The following PRKCA variants were observed in gnomAD, a reference collection of about 807,000 sequenced individuals.
PRKCA encodes protein kinase C alpha type.
A neutral mutation model predicts 87.0 loss-of-function variants in PRKCA; 27 were observed. The observed-to-expected ratio is 0.31, with a 90% CI of 0.23 to 0.43. PRKCA has a LOEUF of 0.43. Among genes scored for constraint, PRKCA ranks in the 20% least tolerant of loss-of-function variants. The pLI, the probability that PRKCA is intolerant of heterozygous loss-of-function variation, is 1.00. For synonymous variants in PRKCA, 329 were observed against 311.1 expected, an observed-to-expected ratio of 1.06 and a Z score of -0.61; for missense variants, 518 against 852.3, an observed-to-expected ratio of 0.61 and a Z score of 4.88.
chr17:66,582,389 C>A (rs1381190697), intron 3 of PRKCA, among the ~76,000 whole-genome samples: 1 of 152,046 alleles, frequency 6.6e-6, no homozygotes, highest in Non-Finnish European at 1.5e-5. Context: ...TGTAATAATC[C>A]CCATGTGTCA....
chr17:66,375,320 T>C (rs1909361169), intron 2 of PRKCA, among the ~76,000 whole-genome samples: 1 of 152,212 alleles, frequency 6.6e-6, no homozygotes, highest in African/African-American at 2.4e-5. Context: ...AACCCTGGTC[T>C]CAGAAGACTT....
chr17:66,692,386 G>T (rs1042703074), intron 8 of PRKCA, among the ~76,000 whole-genome samples: 8 of 152,210 alleles, frequency 5.3e-5, no homozygotes, highest in Non-Finnish European at 1.0e-4. Context: ...TACGACAGCT[G>T]CCATGCTTCA....
chr17:66,667,225 G>A (rs1972066571), intron 5 of PRKCA, among the ~76,000 whole-genome samples: 2 of 152,176 alleles, frequency 1.3e-5, no homozygotes, highest in Non-Finnish European at 2.9e-5. Context: ...TGGCCACCAG[G>A]ATGATGTCAA....
At chr17:66,328,136 C>T (rs964339730) in intron 2 of PRKCA, among the ~76,000 whole-genome samples, 13 of 152,284 alleles carry the variant, frequency 8.5e-5, no homozygotes, top group Admixed American at 8.5e-4. Context: ...TCTCAATCTC[C>T]TGGGCTCGGT....
intron 2 of PRKCA, among the ~76,000 whole-genome samples, chr17:66,437,638 AT>A (rs762509382): frequency 1.3e-5 from 2 of 151,586 alleles, no homozygotes; most frequent in Non-Finnish European, 2.9e-5. Flanking sequence ...AGCAGACACA[AT>A]TTAGGAACAG....
intron 8 of PRKCA, among the ~76,000 whole-genome samples, chr17:66,698,100 TTC>T (rs1972970273): frequency 6.6e-6 from 1 of 152,158 alleles, no homozygotes; most frequent in Non-Finnish European, 1.5e-5. Flanking sequence ...GTGAAGGCAT[TTC>T]TCTCCTGATG....
intron 8 of PRKCA, among the ~76,000 whole-genome samples, chr17:66,706,770 C>A (rs1973203978): frequency 6.6e-6 from 1 of 152,114 alleles, no homozygotes; most frequent in Non-Finnish European, 1.5e-5. Context: ...CAACTACATT[C>A]ATTCATTCGT....
intron 8 of PRKCA, among the ~76,000 whole-genome samples, chr17:66,719,167 T>C (rs1027869954): frequency 1.3e-5 from 2 of 152,196 alleles, no homozygotes; most frequent in Non-Finnish European, 2.9e-5. Context: ...CTGCATGTCA[T>C]TGAAAACAGA....
At chr17:66,469,899 T>C (rs1465260994) in intron 2 of PRKCA, among the ~76,000 whole-genome samples, 1 of 152,162 alleles carries the variant, frequency 6.6e-6, no homozygotes, top group Non-Finnish European at 1.5e-5. Context: ...TAGGATCCAG[T>C]GAGTATCCAC....
Position 66,306,133 on chromosome 17 carries a change from C to A in PRKCA, c.205+6C>A. On this transcript the variant is annotated splice_donor_region_variant and intron_variant, in intron 2 of 16. Transcript: ENST00000413366. ...ACAAGGCTTCCAGTGCCAAGGTAAG[C>A]TACCACTTTTGGTTTTATTTTCAAG... 7 of 1,611,132 alleles carry A rather than the reference C, an allele frequency of 4.3e-6. No homozygotes were observed. Among genetic ancestry groups the A allele is most frequent in the Non-Finnish European group, 5.9e-6 (7 of 1,178,738 alleles).
At chr17:66,740,824 T>C (rs1465944068) in intron 11 of PRKCA, among the ~76,000 whole-genome samples, 2 of 152,216 alleles carry the variant, frequency 1.3e-5, no homozygotes, top group Non-Finnish European at 2.9e-5. Context: ...TAGAAAAGCA[T>C]GAAAAATAAT....
At chr17:66,617,211 A>G (rs1394051871) in intron 3 of PRKCA, among the ~76,000 whole-genome samples, 1 of 152,128 alleles carries the variant, frequency 6.6e-6, no homozygotes, top group East Asian at 1.9e-4. Flanking sequence ...ACTGGGTTTT[A>G]AAAATGGACT....
At chr17:66,767,651 T>C (rs1253838716) in intron 13 of PRKCA, among the ~76,000 whole-genome samples, 2 of 152,196 alleles carry the variant, frequency 1.3e-5, no homozygotes, top group Admixed American at 6.5e-5. Context: ...CACAGTCTGA[T>C]GCAAATCAGG....
At chr17:66,342,425 AAAAAT>A (rs1907090464) in intron 2 of PRKCA, among the ~76,000 whole-genome samples, 2 of 137,640 alleles carry the variant, frequency 1.5e-5, no homozygotes, top group South Asian at 4.7e-4. Context: ...CCATCTCAAA[AAAAAT>A]AAAATAAAAT....
chr17:66,612,806 T>G (rs1821770276), intron 3 of PRKCA, among the ~76,000 whole-genome samples: 1 of 152,140 alleles, frequency 6.6e-6, no homozygotes, highest in South Asian at 2.1e-4. Context: ...TGTGAATTTT[T>G]CCAGGGGAAG....
rs116771110 is a variant in PRKCA at position 66,459,836 on chromosome 17, T to C, written c.206-36365T>C. Among the ~76,000 whole-genome samples the C allele has an allele frequency of 3.6e-3, 541 of 152,266 alleles. 3 individuals carry two copies. Among genetic ancestry groups the C allele is most frequent in the African/African-American group, 0.012 (508 of 41,538 alleles). ...CTGATCTTTTTACTTTTATTTTTATTTTTATTTTTTAGTACTTCCAAGTGA... is the reference window on the plus strand; with the variant it reads ...CTGATCTTTTTACTTTTATTTTTATCTTTATTTTTTAGTACTTCCAAGTGA... On this transcript the variant is annotated intron_variant, in intron 2 of 16. Transcript: ENST00000413366.
intron 2 of PRKCA, among the ~76,000 whole-genome samples, chr17:66,388,296 C>CTT (rs113272101): frequency 6.8e-6 from 1 of 148,100 alleles, no homozygotes. Flanking sequence ...ATACTTACCT[C>CTT]TTTTTTTTTT....
chr17:66,475,655 T>C (rs1482186314), intron 2 of PRKCA, among the ~76,000 whole-genome samples: 2 of 152,154 alleles, frequency 1.3e-5, no homozygotes, highest in African/African-American at 2.4e-5. Flanking sequence ...CCAATCCCCC[T>C]GTCAGCTCAC....
At chr17:66,691,746 A>G (rs2144049745) in intron 8 of PRKCA, among the ~76,000 whole-genome samples, 1 of 149,386 alleles carries the variant, frequency 6.7e-6, no homozygotes, top group South Asian at 2.1e-4. Context: ...GTTGATCACG[A>G]GCAGTCACTG....
Sources: gnomAD v4.1 joint callset for allele counts (sites outside exome capture counted in the v4.1 genomes callset) on GRCh38, gnomAD v4.1.1 for gene constraint, MANE v1.5 for transcripts, NCBI Gene and HGNC (gene_info 2026-07-23, HGNC 2026-07-21) for gene names.